The following THEM6 variants were observed in gnomAD, a reference collection of about 807,000 sequenced individuals.
THEM6 encodes protein THEM6.
In THEM6, 10 loss-of-function variants were observed where a neutral mutation model predicts 13.7. The observed-to-expected ratio is 0.73, with a 90% confidence interval of 0.45 to 1.24. The LOEUF is 1.24. Among genes scored for constraint, THEM6 ranks in the 50% most tolerant of loss-of-function variants. THEM6 has a pLI of 0.00. For synonymous variants in THEM6, 161 were observed against 156.0 expected (o/e 1.03, Z -0.24); for missense variants, 317 against 312.6 (o/e 1.01, Z -0.11).
At chr8:142,730,125 G>A (rs1815609788) in intron 1 of THEM6, among the ~76,000 whole-genome samples, 1 of 152,192 alleles carries the variant, frequency 6.6e-6, no homozygotes, top group Non-Finnish European at 1.5e-5. Flanking sequence ...GAAGGTACAG[G>A]AAAATTAAGC....
At chr8:142,727,982 G>C in intron 1 of THEM6, 123 bp downstream of exon 1, 1 of 1,154,528 alleles carries the variant, frequency 8.7e-7, no homozygotes, top group South Asian at 2.0e-5. Flanking sequence ...GGATACTGCT[G>C]GAGTCCTGCC....
intron 1 of THEM6, 102 bp downstream of exon 1, chr8:142,727,961 G>T: frequency 7.8e-7 from 1 of 1,283,844 alleles, no homozygotes; most frequent in South Asian, 1.8e-5. Context: ...CCCGCTGCCT[G>T]CACCTCTTTC....
chr8:142,731,784 C>A (rs1457462223), intron 1 of THEM6, among the ~76,000 whole-genome samples: 1 of 152,210 alleles, frequency 6.6e-6, no homozygotes, highest in Non-Finnish European at 1.5e-5. Flanking sequence ...TCTCTATCCA[C>A]CCCCACCATT....
chr8:142,734,440 G>C (rs886128738), intron 1 of THEM6: 3 of 152,358 alleles, frequency 2.0e-5, no homozygotes, highest in African/African-American at 7.2e-5. Context: ...GGAGGTGAAG[G>C]CTGGGACCCA....
intron 1 of THEM6, among the ~76,000 whole-genome samples, chr8:142,733,286 A>G (rs1815691736): frequency 6.6e-6 from 1 of 152,262 alleles, no homozygotes; most frequent in Non-Finnish European, 1.5e-5. Context: ...ATGCCAGGGC[A>G]AATATTTAGG....
chr8:142,728,937 C>CTTT lies in THEM6; in HGVS notation c.513+1096_513+1098dup, dbSNP rs58263738. 2.2e-3 allele frequency among the ~76,000 whole-genome samples: 238 copies of CTTT among 107,288 alleles called. 4 individuals are homozygous for CTTT. The highest frequency in any genetic ancestry group is 7.5e-3 in the African/African-American group (208 of 27,668). 70.4% of individuals were successfully genotyped at this position (107,288 alleles called of 152,430 possible). Reference sequence around the variant, plus strand: ...TTGCAAGAATCAATATTACTATTTTCTTTTTTTTTTTTTTTTTTTTCAGAC... The same window carrying CTTT: ...TTGCAAGAATCAATATTACTATTTTCTTTTTTTTTTTTTTTTTTTTTTTCAGAC... On this transcript the variant is annotated intron_variant, in intron 1 of 1. Coordinates refer to ENST00000336138, the MANE Select transcript of THEM6 (RefSeq NM_016647.3).
At chr8:142,729,689 GAGTT>G (rs1438796763) in intron 1 of THEM6, among the ~76,000 whole-genome samples, 2 of 152,172 alleles carry the variant, frequency 1.3e-5, no homozygotes, top group Non-Finnish European at 2.9e-5. Flanking sequence ...GGCAGGTCTA[GAGTT>G]AGTTAAGGTG....
chr8:142,728,268 G>C (rs186402409), intron 1 of THEM6, among the ~76,000 whole-genome samples: 6 of 152,190 alleles, frequency 3.9e-5, no homozygotes, highest in African/African-American at 1.4e-4. Context: ...AGGAGTTCCC[G>C]AGGACCTGAG....
Position 142,727,302 on chromosome 8 carries a change from C to T in THEM6, c.-45C>T, listed in dbSNP as rs189857352. The T allele has an allele frequency of 4.1e-5, 58 of 1,431,210 alleles. No homozygotes were observed. The highest frequency in any genetic ancestry group is 5.1e-5 in the Non-Finnish European group (56 of 1,102,660). 88.7% of individuals were successfully genotyped at this position (1,431,210 alleles called of 1,614,324 possible). ...GTAACCAGCGCCGCGGACACCGGCA[C>T]CGGCGCCACGGACTCCGCAGGACCC... On this transcript the variant is annotated 5_prime_UTR_variant, in exon 1 of 2. Transcript: ENST00000336138.
chr8:142,730,093 C>T (rs1188934556), intron 1 of THEM6, among the ~76,000 whole-genome samples: 1 of 152,098 alleles, frequency 6.6e-6, no homozygotes, highest in Non-Finnish European at 1.5e-5. Flanking sequence ...GCGCTAGTAA[C>T]AATAAGGAAA....
chr8:142,732,899 G>A (rs1210630865), intron 1 of THEM6, among the ~76,000 whole-genome samples: 4 of 152,122 alleles, frequency 2.6e-5, no homozygotes, highest in Non-Finnish European at 5.9e-5. Context: ...TGTTTGAAAT[G>A]CTTGTTCCCC....
At chr8:142,731,421 A>T (rs1284295691) in intron 1 of THEM6, among the ~76,000 whole-genome samples, 7 of 151,904 alleles carry the variant, frequency 4.6e-5, no homozygotes, top group South Asian at 2.1e-4. Flanking sequence ...GTTTTTTTTT[A>T]AATAATTTTA....
chr8:142,735,189 G>A, intron 1 of THEM6, 137 bp from the exon 2 acceptor site: 1 of 666,188 alleles, frequency 1.5e-6, no homozygotes, highest in Admixed American at 2.2e-5. Context: ...TGCAGAGCCT[G>A]GGGAGGCATG....
Position 142,735,443 on chromosome 8 carries a change from C to T in THEM6, c.*4C>T. On this transcript the variant is annotated 3_prime_UTR_variant, in exon 2 of 2. Transcript: ENST00000336138. Reference sequence around the variant, plus strand: ...TGATGTCACCAAGGACCAGTGACCGCCACCTTCACACCGTCTGCCCTGGCC... The same window carrying T: ...TGATGTCACCAAGGACCAGTGACCGTCACCTTCACACCGTCTGCCCTGGCC... 2.6e-6 allele frequency: 4 copies of T among 1,559,892 alleles called. No individual in the cohort carries two copies. Among genetic ancestry groups the T allele is most frequent in the Non-Finnish European group, 3.5e-6 (4 of 1,150,494 alleles).
chr8:142,727,713 C>T lies in THEM6; in HGVS notation c.367C>T (p.Leu123=). The T allele has an allele frequency of 7.0e-7, 1 of 1,434,558 alleles. No individual in the cohort carries two copies. The highest frequency in any genetic ancestry group is 9.1e-7 in the Non-Finnish European group (1 of 1,104,728). The allele number at this position is 1,434,558 out of a possible 1,614,324, so 88.9% of individuals were successfully genotyped here. Reference sequence around the variant, plus strand: ...GGAGCCCTTCGAGGTGCGCACCCGCCTGCTGGGCTGGGACGACCGCGCGTT... The same window carrying T: ...GGAGCCCTTCGAGGTGCGCACCCGCTTGCTGGGCTGGGACGACCGCGCGTT... ...LLEPFEVRTR[L]LGWDDRAFYL... is the part of the protein sequence containing the mutation. Residue 123 remains leucine, a synonymous_variant, in exon 1 of 2, where the codon CTG becomes TTG. Transcript: ENST00000336138.
At chr8:142,728,525 G>T (rs1815567232) in intron 1 of THEM6, among the ~76,000 whole-genome samples, 1 of 152,262 alleles carries the variant, frequency 6.6e-6, no homozygotes, top group African/African-American at 2.4e-5. Context: ...GTTGCCTGGA[G>T]CGTCCGTGCA....
In THEM6 at chr8:142,727,569, G is replaced by A. The variant is rs1256410721; in HGVS notation, c.223G>A (p.Asp75Asn). Residue 75 changes from aspartate (D) to asparagine (N), a missense_variant, in exon 1 of 2, where the codon GAC (aspartate) becomes AAC (asparagine). Physicochemically the swap from Asp to Asn is conservative, Grantham distance 23 (BLOSUM62 1). Transcript: ENST00000336138. ...CAACGCGCGCTACCTGCGCGAGGCC[G>A]ACTTTGCGCGCGTCGCGCACCTGAC... is the stretch of plus-strand genomic sequence containing the variant. ...MNNARYLREA[D>N]FARVAHLTRC... 2 of 1,538,560 alleles carry A rather than the reference G, an allele frequency of 1.3e-6. No individual in the cohort carries two copies. The highest frequency in any genetic ancestry group is 5.1e-5 in the East Asian group (2 of 39,568).
chr8:142,727,404 G>T lies in THEM6; in HGVS notation c.58G>T (p.Asp20Tyr), dbSNP rs1554642416. Residue 20 changes from aspartate (D) to tyrosine (Y), a missense_variant, in exon 1 of 2, where the codon GAC (aspartate) becomes TAC (tyrosine). By Grantham distance (160) the Asp-to-Tyr change is radical. Transcript: ENST00000336138. ...GGGGCTCGCTGTCTTTGCGCTGCTG[G>T]ACGTCTGGTACCTGGTGCGCCTTCC... Reference protein sequence around the residue: ...ALGLAVFALLDVWYLVRLPCA... With the variant: ...ALGLAVFALLYVWYLVRLPCA... 1.3e-6 allele frequency: 2 copies of T among 1,532,734 alleles called. No individual in the cohort carries two copies. The highest frequency in any genetic ancestry group is 1.2e-5 in the South Asian group (1 of 83,960). The allele number at this position is 1,532,734 out of a possible 1,614,324, so 94.9% of individuals were successfully genotyped here. A position where few individuals can be genotyped will look rare whatever the true frequency, so the allele number is the denominator to read the frequency against.
intron 1 of THEM6, among the ~76,000 whole-genome samples, chr8:142,732,647 G>A (rs1434282408): frequency 6.6e-6 from 1 of 151,624 alleles, no homozygotes; most frequent in African/African-American, 2.4e-5. Context: ...TCCTTCCTTG[G>A]TCTGTGCACA....
Sources: allele counts gnomAD v4.1 joint callset (sites outside exome capture counted in the v4.1 genomes callset), GRCh38; gene constraint gnomAD v4.1.1; transcripts MANE v1.5; gene names NCBI Gene and HGNC (gene_info 2026-07-23, HGNC 2026-07-21).